The following SLC16A7 variants were observed in gnomAD, a reference collection of about 807,000 sequenced individuals.
SLC16A7 encodes monocarboxylate transporter 2.
In SLC16A7, 33 loss-of-function variants were observed where a neutral mutation model predicts 34.9. That is an observed-to-expected ratio of 0.94 (90% CI 0.72 to 1.26). The LOEUF (loss-of-function observed/expected upper bound fraction) is 1.26. Among genes scored for constraint, SLC16A7 ranks in the 50% most tolerant of loss-of-function variants. The probability of loss-of-function intolerance (pLI) is 0.00; values close to 1 mark genes in which losing one functional copy is unlikely to be tolerated. For missense variants in SLC16A7, 573 were observed against 578.1 expected (o/e 0.99, Z 0.09); for synonymous variants, 201 against 206.6 (o/e 0.97, Z 0.23).
At chr12:59,764,025 G>T (rs901343232) in intron 3 of SLC16A7, 1 of 152,150 alleles carries the variant, frequency 6.6e-6, no homozygotes, top group South Asian at 2.1e-4. Flanking sequence ...TGGCTTCTAA[G>T]TGTTCAAGTG....
intron 3 of SLC16A7, among the ~76,000 whole-genome samples, chr12:59,749,412 T>C (rs1311200623): frequency 6.6e-6 from 1 of 152,126 alleles, no homozygotes; most frequent in East Asian, 1.9e-4. Flanking sequence ...GTTTTTTTGA[T>C]ATTGGATAAT....
intron 5 of SLC16A7, among the ~76,000 whole-genome samples, chr12:59,778,127 A>G (rs2137474244): frequency 6.6e-6 from 1 of 152,246 alleles, no homozygotes; most frequent in East Asian, 1.9e-4. Context: ...TAAAACATTT[A>G]GAAAGTATGC....
At chr12:59,655,613 C>T (rs532008814) in intron 2 of SLC16A7, among the ~76,000 whole-genome samples, 81 of 151,702 alleles carry the variant, frequency 5.3e-4, no homozygotes, top group Non-Finnish European at 1.0e-3. Flanking sequence ...TTAAAATAAA[C>T]GAGAAAGCTA....
At chr12:59,619,251 GC>G (rs1565620308) in intron 1 of SLC16A7, among the ~76,000 whole-genome samples, 7 of 151,914 alleles carry the variant, frequency 4.6e-5, no homozygotes, top group Non-Finnish European at 1.0e-4. Flanking sequence ...TTAATATCAT[GC>G]ATTGTATTAC....
At chr12:59,779,389 T>C (rs1301002165) in intron 5 of SLC16A7, 34 bp from the exon 6 acceptor site, 1 of 1,502,422 alleles carries the variant, frequency 6.7e-7, no homozygotes, top group Non-Finnish European at 9.0e-7. Context: ...ACTGTTTTAT[T>C]ATGCCAACTT....
intron 5 of SLC16A7, among the ~76,000 whole-genome samples, chr12:59,778,215 A>T (rs1412783781): frequency 6.6e-6 from 1 of 152,110 alleles, no homozygotes; most frequent in African/African-American, 2.4e-5. Flanking sequence ...TATAATAATC[A>T]TTGTAGAAAT....
chr12:59,693,510 G>A (rs1488328132), intron 2 of SLC16A7, among the ~76,000 whole-genome samples: 3 of 151,790 alleles, frequency 2.0e-5, no homozygotes, highest in Admixed American at 2.0e-4. Flanking sequence ...AAAAGGCAAA[G>A]TTATTGGGCT....
Position 59,786,977 on chromosome 12 carries a change from T to G in SLC16A7, c.*7298T>G, listed in dbSNP as rs1342851272. 6.6e-6 allele frequency: 1 copy of G among 152,184 alleles called. No homozygotes were observed. The highest frequency in any genetic ancestry group is 2.4e-5 in the African/African-American group (1 of 41,460). The allele number at this position is 152,184 out of a possible 1,614,324, so 9.4% of individuals were successfully genotyped here. A position where few individuals can be genotyped will look rare whatever the true frequency, so the allele number is the denominator to read the frequency against. On this transcript the variant is annotated 3_prime_UTR_variant, in exon 6 of 6. Transcript: ENST00000547379. ...TTGCAAACTTACTTTGAAGACTATT[T>G]CCTGATTGCCACGGCAGATAATTCG...
chr12:59,633,713 T>C (rs1213052506), intron 1 of SLC16A7, among the ~76,000 whole-genome samples: 1 of 151,010 alleles, frequency 6.6e-6, no homozygotes, highest in African/African-American at 2.4e-5. Context: ...AAACTTACGG[T>C]CATGGTGGAA....
intron 1 of SLC16A7, among the ~76,000 whole-genome samples, chr12:59,622,891 G>A (rs1461294443): frequency 1.3e-5 from 2 of 151,590 alleles, no homozygotes; most frequent in Admixed American, 1.3e-4. Context: ...GGATAATTCA[G>A]CTCCAGCTTT....
In SLC16A7 at chr12:59,698,045, A is replaced by G. The variant is rs1872515039; in HGVS notation, c.-30-6727A>G. Among the ~76,000 whole-genome samples, 4 of 151,782 alleles carry G rather than the reference A, an allele frequency of 2.6e-5. No individual in the cohort carries two copies. The South Asian group carries it at 8.3e-4, about 31-fold the overall frequency. On this transcript the variant is annotated intron_variant, in intron 2 of 5. Coordinates refer to ENST00000547379, the MANE Select transcript of SLC16A7 (RefSeq NM_001270623.2). ...GTAGAAATGTTATTTGAAGGCAACA[A>G]TATTGTAGATGTTTCCAAATTATTC...
At chr12:59,715,698 A>G (rs1036939829) in intron 3 of SLC16A7, among the ~76,000 whole-genome samples, 1 of 152,342 alleles carries the variant, frequency 6.6e-6, no homozygotes, top group Non-Finnish European at 1.5e-5. Context: ...AAAAGAACTG[A>G]GAGTATTGAT....
intron 3 of SLC16A7, among the ~76,000 whole-genome samples, chr12:59,739,632 A>G (rs1054369570): frequency 6.6e-6 from 1 of 150,672 alleles, no homozygotes; most frequent in Non-Finnish European, 1.5e-5. Flanking sequence ...GTCTTCCACA[A>G]TGGTTGAACT....
chr12:59,640,452 A>G (rs1019231056), intron 1 of SLC16A7, among the ~76,000 whole-genome samples: 6 of 152,038 alleles, frequency 3.9e-5, no homozygotes, highest in African/African-American at 1.4e-4. Flanking sequence ...AATAATTTAG[A>G]ATTTCACTTT....
intron 3 of SLC16A7, among the ~76,000 whole-genome samples, chr12:59,716,449 A>G (rs1874913363): frequency 6.6e-6 from 1 of 152,202 alleles, no homozygotes; most frequent in Admixed American, 6.5e-5. Flanking sequence ...GGGGAGCAAA[A>G]GGAGAAATAT....
chr12:59,698,961 G>T (rs1872596116), intron 2 of SLC16A7, among the ~76,000 whole-genome samples: 1 of 151,630 alleles, frequency 6.6e-6, no homozygotes, highest in African/African-American at 2.4e-5. Flanking sequence ...ACTTAAAATT[G>T]TTGTCATTTT....
At chr12:59,758,728 A>G (rs1880682328) in intron 3 of SLC16A7, among the ~76,000 whole-genome samples, 1 of 152,090 alleles carries the variant, frequency 6.6e-6, no homozygotes, top group Non-Finnish European at 1.5e-5. Context: ...CTTAACTATG[A>G]TAATTATTTA....
At chr12:59,742,975 A>C (rs767197462) in intron 3 of SLC16A7, among the ~76,000 whole-genome samples, 53 of 152,092 alleles carry the variant, frequency 3.5e-4, no homozygotes, top group Non-Finnish European at 6.5e-4. Flanking sequence ...GTAAATTGTC[A>C]AAAAAAGTAG....
rs1229495836 is a variant in SLC16A7 at position 59,787,364 on chromosome 12, TA to T, written c.*7686del. The T allele has an allele frequency of 3.5e-4, 54 of 152,196 alleles. 1 individual carries two copies. Among genetic ancestry groups the T allele is most frequent in the Admixed American group, 3.5e-3 (54 of 15,280 alleles). The allele number at this position is 152,196 out of a possible 1,614,324, so 9.4% of individuals were successfully genotyped here. On this transcript the variant is annotated 3_prime_UTR_variant, in exon 6 of 6. Coordinates refer to ENST00000547379, the MANE Select transcript of SLC16A7 (RefSeq NM_001270623.2). ...GTTCTATCTCAAAAATTTCTTATTT[TA>T]TGAATGTTTTCTTCACCTAATAAAC...
Sources: allele counts gnomAD v4.1 joint callset (sites outside exome capture counted in the v4.1 genomes callset), GRCh38; gene constraint gnomAD v4.1.1; transcripts MANE v1.5; gene names NCBI Gene and HGNC (gene_info 2026-07-23, HGNC 2026-07-21).